Variants in MAN1A2 observed in about 807,000 individuals in gnomAD.
MAN1A2 encodes the protein mannosidase alpha class 1A member 2.
Under a neutral mutation model 75.7 loss-of-function variants are expected in MAN1A2, and 26 were observed. The observed-to-expected ratio is 0.34, with a 90% CI of 0.25 to 0.48. MAN1A2 has a LOEUF of 0.48. Among genes scored for constraint, MAN1A2 ranks in the 20% least tolerant of loss-of-function variants. MAN1A2 has a pLI of 0.99. For synonymous variants in MAN1A2, 247 were observed against 264.6 expected, an observed-to-expected ratio of 0.93 and a Z score of 0.65; for missense variants, 562 against 775.5, an observed-to-expected ratio of 0.72 and a Z score of 3.27.
chr1:117,517,870 C>T (rs1043054892), intron 12 of MAN1A2, among the ~76,000 whole-genome samples: 3 of 151,764 alleles, frequency 2.0e-5, no homozygotes, highest in Admixed American at 2.0e-4. Flanking sequence ...AATCAGATTG[C>T]TCAAAACCAG....
At chr1:117,433,701 G>C (rs949898282) in intron 5 of MAN1A2, among the ~76,000 whole-genome samples, 2 of 152,000 alleles carry the variant, frequency 1.3e-5, no homozygotes, top group African/African-American at 4.8e-5. Flanking sequence ...GAATGCCATC[G>C]CAATACTGAT....
In MAN1A2 at chr1:117,485,836, A is replaced by C. The variant is rs76279630; in HGVS notation, c.1169-7311A>C. Among the ~76,000 whole-genome samples the C allele has an allele frequency of 1.4e-4, 21 of 152,144 alleles. No individual in the cohort carries two copies. The East Asian group carries it at 4.1e-3, about 30-fold the overall frequency. On this transcript the variant is annotated intron_variant, in intron 8 of 12. Coordinates refer to ENST00000356554, the MANE Select transcript of MAN1A2 (RefSeq NM_006699.5). ...TTCATTGTGAAATTTAACCAGGTCC[A>C]CAGTCCCTCAATATCCATTCCTGAT...
At position 117,526,868 on chromosome 1, in the gene MAN1A2, CTCTCTCTCTCTCTATATATATA is replaced by C. The variant is rs1401169632; in HGVS notation, c.*3913_*3934del. The stretch of plus-strand genomic sequence containing the variant: ...TCTCTCTCTCTCTCTCTCTCTCTCT[CTCTCTCTCTCTCTATATATATA>C]TATATATATATATATATATGAGAGA... On this transcript the variant is annotated 3_prime_UTR_variant, in exon 13 of 13. Transcript: ENST00000356554. 5.3e-5 allele frequency: 5 copies of C among 94,268 alleles called. No homozygotes were observed. The highest frequency in any genetic ancestry group is 6.6e-5 in the Non-Finnish European group (3 of 45,516). The allele number at this position is 94,268 out of a possible 1,614,324, so 5.8% of individuals were successfully genotyped here.
chr1:117,375,475 G>A (rs1346959773), intron 1 of MAN1A2, among the ~76,000 whole-genome samples: 1 of 151,936 alleles, frequency 6.6e-6, no homozygotes, highest in Admixed American at 6.6e-5. Flanking sequence ...AAAGAACACA[G>A]GTGTTGTTTT....
At chr1:117,463,282 G>A (rs1649882000) in intron 7 of MAN1A2, among the ~76,000 whole-genome samples, 1 of 152,042 alleles carries the variant, frequency 6.6e-6, no homozygotes. Context: ...ACATAAGTCT[G>A]CTTCCTACCG....
intron 6 of MAN1A2, among the ~76,000 whole-genome samples, chr1:117,458,521 A>ATTTTTTTT (rs1409683905): frequency 3.2e-5 from 3 of 94,310 alleles, no homozygotes; most frequent in South Asian, 7.5e-4. Context: ...AGATATATAT[A>ATTTTTTTT]TATTTTTTTT....
At chr1:117,522,746 CTG>C in intron 12 of MAN1A2, 77 bp from the exon 13 acceptor site, 1 of 1,255,142 alleles carries the variant, frequency 8.0e-7, no homozygotes, top group Non-Finnish European at 1.1e-6. Context: ...TATTGGTTTT[CTG>C]TGCCATTAAA....
chr1:117,460,158 G>T (rs1299392169), intron 6 of MAN1A2, among the ~76,000 whole-genome samples: 3 of 151,898 alleles, frequency 2.0e-5, no homozygotes, highest in Non-Finnish European at 4.4e-5. Flanking sequence ...AGGACAATGA[G>T]CATATATATT....
At chr1:117,438,336 T>C (rs1413283983) in intron 5 of MAN1A2, among the ~76,000 whole-genome samples, 2 of 150,972 alleles carry the variant, frequency 1.3e-5, no homozygotes, top group Non-Finnish European at 3.0e-5. Context: ...TTTGTACAGC[T>C]GTAAAATATA....
At chr1:117,432,011 A>C (rs1648687356) in intron 5 of MAN1A2, among the ~76,000 whole-genome samples, 1 of 152,240 alleles carries the variant, frequency 6.6e-6, no homozygotes, top group South Asian at 2.1e-4. Context: ...AATCAATAAT[A>C]GACATCAGGA....
At chr1:117,388,613 G>T (rs904678458) in intron 1 of MAN1A2, among the ~76,000 whole-genome samples, 3 of 152,080 alleles carry the variant, frequency 2.0e-5, no homozygotes, top group Non-Finnish European at 4.4e-5. Flanking sequence ...TCTCATGAGA[G>T]CTCACTATTG....
At chr1:117,400,473 A>T (rs1013049805) in intron 1 of MAN1A2, among the ~76,000 whole-genome samples, 3 of 108,190 alleles carry the variant, frequency 2.8e-5, no homozygotes, top group Non-Finnish European at 5.8e-5. Context: ...TTCTATCATT[A>T]AAAAAAAAAC....
intron 6 of MAN1A2, among the ~76,000 whole-genome samples, chr1:117,446,425 A>G (rs567163091): frequency 2.6e-5 from 4 of 151,994 alleles, no homozygotes; most frequent in Non-Finnish European, 4.4e-5. Flanking sequence ...CTGTTTTTCT[A>G]TAGAGCTATA....
chr1:117,478,548 T>C (rs1650391167), intron 8 of MAN1A2, among the ~76,000 whole-genome samples: 1 of 151,998 alleles, frequency 6.6e-6, no homozygotes, highest in South Asian at 2.1e-4. Context: ...TAAAAGTTTA[T>C]AGATTCGGGT....
Position 117,522,268 on chromosome 1 carries a change from C to CT in MAN1A2, c.1794-556dup, listed in dbSNP as rs763792812. 3.3e-5 allele frequency among the ~76,000 whole-genome samples: 5 copies of CT among 151,862 alleles called. No individual in the cohort carries two copies. In the South Asian group the frequency reaches 1.0e-3, roughly 31 times the overall value. On this transcript the variant is annotated intron_variant, in intron 12 of 12. Coordinates refer to ENST00000356554, the MANE Select transcript of MAN1A2 (RefSeq NM_006699.5). ...TAAACAAGATTTTGACAAATCAACT[C>CT]TAACAACAAATTACATAGATAATAT...
At chr1:117,465,899 GTTCAA>G (rs1056496377) in intron 7 of MAN1A2, among the ~76,000 whole-genome samples, 84 of 152,080 alleles carry the variant, frequency 5.5e-4, no homozygotes, top group Middle Eastern at 3.4e-3. Context: ...TTTTTTATCT[GTTCAA>G]TTCAAATTAA....
chr1:117,403,574 G>C (rs1647512559), intron 2 of MAN1A2, among the ~76,000 whole-genome samples: 1 of 152,136 alleles, frequency 6.6e-6, no homozygotes, highest in Admixed American at 6.5e-5. Flanking sequence ...CTCACCAGAA[G>C]TACCCACGGA....
At position 117,373,819 on chromosome 1, in the gene MAN1A2, A is replaced by G. The variant is rs187570727; in HGVS notation, c.302+5334A>G. ...GAATCTTATTTTTATCGATATGGATACTTTCAAATTGGAGCTCATGCCTAA... is the reference window on the plus strand; with the variant it reads ...GAATCTTATTTTTATCGATATGGATGCTTTCAAATTGGAGCTCATGCCTAA... On this transcript the variant is annotated intron_variant, in intron 1 of 12. Transcript: ENST00000356554. 7.2e-4 allele frequency among the ~76,000 whole-genome samples: 109 copies of G among 152,292 alleles called. 1 individual carries two copies. The highest frequency in any genetic ancestry group is 2.6e-3 in the African/African-American group (108 of 41,574).
At chr1:117,493,487 G>T in intron 9 of MAN1A2, 1 of 350,880 alleles carries the variant, frequency 2.8e-6, no homozygotes, top group Non-Finnish European at 5.2e-6. Context: ...TTTGAAGAAA[G>T]AATTTATTGT....
Sources: allele counts gnomAD v4.1 joint callset (sites outside exome capture counted in the v4.1 genomes callset), GRCh38; gene constraint gnomAD v4.1.1; transcripts MANE v1.5; gene names NCBI Gene and HGNC (gene_info 2026-07-23, HGNC 2026-07-21).